Variants in AUTS2 observed in about 807,000 individuals in gnomAD.
The protein encoded by AUTS2 is activator of transcription and developmental regulator AUTS2, also known as autism susceptibility gene 2 protein.
A neutral mutation model predicts 112.4 loss-of-function variants in AUTS2; 17 were observed. The ratio of observed to expected loss-of-function variants is 0.15; its 90% CI spans 0.10 to 0.23. The LOEUF is 0.23. Among genes scored for constraint, AUTS2 ranks in the 10% least tolerant of loss-of-function variants. The pLI, the probability that AUTS2 is intolerant of heterozygous loss-of-function variation, is 1.00. For missense variants in AUTS2, 1,510 were observed against 1,701.6 expected (o/e 0.89, Z 1.98); for synonymous variants, 751 against 702.7 (o/e 1.07, Z -1.09).
intron 1 of AUTS2, among the ~76,000 whole-genome samples, chr7:69,823,622 A>G (rs553988351): frequency 1.3e-5 from 2 of 152,296 alleles, no homozygotes; most frequent in African/African-American, 2.4e-5. Flanking sequence ...TCAAAGTACT[A>G]TAGTTGTGCC....
At chr7:70,347,586 A>G (rs1791551439) in intron 4 of AUTS2, among the ~76,000 whole-genome samples, 1 of 152,272 alleles carries the variant, frequency 6.6e-6, no homozygotes, top group Non-Finnish European at 1.5e-5. Context: ...AGAGAACCCC[A>G]GCCACCTACC....
At chr7:70,086,597 C>T (rs369695499) in intron 2 of AUTS2, among the ~76,000 whole-genome samples, 15 of 147,260 alleles carry the variant, frequency 1.0e-4, no homozygotes, top group South Asian at 4.2e-4. Flanking sequence ...GCTGAGATCG[C>T]GCCACTGGAC....
intron 1 of AUTS2, among the ~76,000 whole-genome samples, chr7:69,737,662 G>A (rs1554358328): frequency 9.9e-5 from 15 of 152,092 alleles, no homozygotes; most frequent in Non-Finnish European, 1.5e-5. Flanking sequence ...GCCACAGGGG[G>A]ATGTTTGAAA....
chr7:70,409,343 A>G lies in AUTS2; in HGVS notation c.661-26409A>G, dbSNP rs535549945. On this transcript the variant is annotated intron_variant, in intron 4 of 18. Transcript: ENST00000342771. ...TTGGTGTATTAGTATATATATATAT[A>G]TGTGTGTGTGTGTATTTATGTATGT... is the stretch of plus-strand genomic sequence containing the variant. Among the ~76,000 whole-genome samples the G allele has an allele frequency of 2.2e-3, 324 of 149,842 alleles. 2 individuals are homozygous for G. Among genetic ancestry groups the G allele is most frequent in the African/African-American group, 6.6e-3 (270 of 41,056 alleles).
intron 1 of AUTS2, among the ~76,000 whole-genome samples, chr7:69,728,680 C>CTTTT (rs5884765): frequency 7.8e-6 from 1 of 128,730 alleles, no homozygotes; most frequent in African/African-American, 2.9e-5. Context: ...TTGCTTGTGG[C>CTTTT]TTTTTTTTTT....
chr7:69,988,728 A>G (rs10452738), intron 2 of AUTS2, among the ~76,000 whole-genome samples: 54,734 of 152,028 alleles, frequency 0.36, 10,420 homozygotes, highest in African/African-American at 0.48. Context: ...ATAATTGGTC[A>G]GCTTTAACAA....
intron 4 of AUTS2, among the ~76,000 whole-genome samples, chr7:70,369,090 A>G (rs955945987): frequency 6.6e-6 from 1 of 152,182 alleles, no homozygotes. Flanking sequence ...AGCGATTTCT[A>G]CTGTAACAGC....
At chr7:70,108,783 C>CAAAAAAAAAAAAAAAAAAAAAAAAAAA (rs528009205) in intron 2 of AUTS2, among the ~76,000 whole-genome samples, 1 of 69,182 alleles carries the variant, frequency 1.4e-5, no homozygotes, top group African/African-American at 5.4e-5. Context: ...GCCAACATGG[C>CAAAAAAAAAAAAAAAAAAAAAAAAAAA]AAAAAAAAAA....
At chr7:70,311,720 C>T (rs1038201008) in intron 4 of AUTS2, among the ~76,000 whole-genome samples, 7 of 151,874 alleles carry the variant, frequency 4.6e-5, no homozygotes, top group African/African-American at 7.2e-5. Flanking sequence ...CCACACTTAG[C>T]GAATTTTTTT....
chr7:70,410,827 A>G (rs1327554803), intron 4 of AUTS2, among the ~76,000 whole-genome samples: 1 of 151,120 alleles, frequency 6.6e-6, no homozygotes, highest in African/African-American at 2.4e-5. Flanking sequence ...GGAACTAAGG[A>G]AATAAATTAT....
At chr7:70,491,423 C>G (rs937486137) in intron 5 of AUTS2, among the ~76,000 whole-genome samples, 2 of 144,454 alleles carry the variant, frequency 1.4e-5, no homozygotes, top group African/African-American at 5.1e-5. Flanking sequence ...TGTGTATACA[C>G]ACACACACAC....
chr7:70,789,696 G>T (rs753195660), intron 18 of AUTS2, 52 bp from the exon 19 acceptor site: 7 of 1,569,614 alleles, frequency 4.5e-6, no homozygotes, highest in South Asian at 3.6e-5. Context: ...TGGCCCGGCC[G>T]ACTCGCCCCT....
intron 2 of AUTS2, among the ~76,000 whole-genome samples, chr7:70,027,454 A>G (rs1278708294): frequency 1.3e-5 from 2 of 152,112 alleles, no homozygotes; most frequent in African/African-American, 4.8e-5. Flanking sequence ...CTAAGTCTTC[A>G]TCCAGCCCCT....
chr7:70,079,919 G>C (rs1803221751), intron 2 of AUTS2, among the ~76,000 whole-genome samples: 1 of 152,152 alleles, frequency 6.6e-6, no homozygotes, highest in African/African-American at 2.4e-5. Context: ...ATCACAGTGT[G>C]GCAGAAGACA....
chr7:70,026,639 T>A (rs1800536747), intron 2 of AUTS2, among the ~76,000 whole-genome samples: 1 of 152,240 alleles, frequency 6.6e-6, no homozygotes, highest in Admixed American at 6.5e-5. Flanking sequence ...TTGGGAAAGT[T>A]TCCTAACTTT....
intron 1 of AUTS2, among the ~76,000 whole-genome samples, chr7:69,840,166 G>T (rs185006864): frequency 6.7e-4 from 102 of 152,242 alleles, no homozygotes; most frequent in African/African-American, 2.3e-3. Flanking sequence ...CTTCAATTGT[G>T]TGTCAGTGAG....
intron 1 of AUTS2, among the ~76,000 whole-genome samples, chr7:69,814,976 A>C (rs1562901725): frequency 6.6e-6 from 1 of 152,356 alleles, no homozygotes; most frequent in South Asian, 2.1e-4. Context: ...TGGAGAGAGA[A>C]GCCAATTATT....
At chr7:70,048,988 T>G (rs1165103551) in intron 2 of AUTS2, among the ~76,000 whole-genome samples, 1 of 152,164 alleles carries the variant, frequency 6.6e-6, no homozygotes, top group Non-Finnish European at 1.5e-5. Flanking sequence ...TTGTGGGGTT[T>G]TCTTTTAGTT....
intron 4 of AUTS2, among the ~76,000 whole-genome samples, chr7:70,319,134 T>G (rs1316175014): frequency 6.6e-6 from 1 of 152,130 alleles, no homozygotes; most frequent in Non-Finnish European, 1.5e-5. Context: ...TTTAAATAAA[T>G]AAAATATGGT....
Sources: gnomAD v4.1 joint callset for allele counts (sites outside exome capture counted in the v4.1 genomes callset) on GRCh38, gnomAD v4.1.1 for gene constraint, MANE v1.5 for transcripts, NCBI Gene and HGNC (gene_info 2026-07-23, HGNC 2026-07-21) for gene names.